TBC1D14: variants seen among roughly 807,000 people sequenced by gnomAD.
TBC1D14 encodes TBC1 domain family, member 14.
TBC1D14 carries 26 observed loss-of-function variants against 79.0 expected under a neutral mutation model. The observed-to-expected ratio is 0.33, with a 90% CI of 0.24 to 0.46. The LOEUF is 0.46. Ranked by LOEUF, TBC1D14 falls within the 20% of genes least tolerant of loss-of-function variation. The pLI is 1.00. For synonymous variants in TBC1D14, 394 were observed against 349.9 expected (o/e 1.13, Z -1.40); for missense variants, 769 against 887.6 (o/e 0.87, Z 1.70).
chr4:6,923,269 G>A (rs999784919), intron 1 of TBC1D14, 104 bp from the exon 2 acceptor site: 7 of 1,329,180 alleles, frequency 5.3e-6, no homozygotes, highest in Non-Finnish European at 7.1e-6. Context: ...CCTTTTCAAG[G>A]CTTTCTCCCT....
chr4:7,030,302 C>T (rs983704640), intron 13 of TBC1D14, 25 bp from the exon 14 acceptor site: 1 of 1,612,304 alleles, frequency 6.2e-7, no homozygotes, highest in Non-Finnish European at 8.5e-7. Context: ...CACTTAACCT[C>T]AGCTGTCTTC....
chr4:7,021,492 G>A (rs1721830192), intron 12 of TBC1D14, among the ~76,000 whole-genome samples: 1 of 152,130 alleles, frequency 6.6e-6, no homozygotes, highest in Non-Finnish European at 1.5e-5. Context: ...AGCTACTCAG[G>A]AGGCTGAGCT....
At chr4:6,965,198 C>T (rs540925482) in intron 2 of TBC1D14, among the ~76,000 whole-genome samples, 5 of 151,920 alleles carry the variant, frequency 3.3e-5, no homozygotes, top group African/African-American at 7.3e-5. Flanking sequence ...CTCTGTCGCC[C>T]CCAGGCTGGA....
chr4:6,909,823 C>A (rs1474478408), upstream of TBC1D14: 1 of 148,320 alleles, frequency 6.7e-6, no homozygotes, highest in Non-Finnish European at 1.5e-5. Flanking sequence ...GCTGCTCGCG[C>A]GCACCTGCGG....
chr4:6,923,848 T>G lies in TBC1D14; in HGVS notation c.459T>G (p.Asp153Glu). The change falls in exon 2 of 14, where the codon GAT becomes GAG. Residue 153 changes from aspartate (D) to glutamate (E), a missense_variant. Physicochemically the swap from Asp to Glu is conservative, Grantham distance 45 (BLOSUM62 2). This residue lies in a region of TBC1D14 where 402 missense variants were observed against 393.2 expected (regional missense o/e 1.02). Coordinates refer to ENST00000409757, the MANE Select transcript of TBC1D14 (RefSeq NM_020773.3). ...CCAAAGCCCTGACCCGCAGCGATGA[T>G]GTCTCCGTCTGCAGCGTGTCCAGTC... Reference protein sequence around the residue: ...PTSKALTRSDDVSVCSVSSLG... With the variant: ...PTSKALTRSDEVSVCSVSSLG... 1 of 1,614,192 alleles carries G rather than the reference T, an allele frequency of 6.2e-7. No homozygotes were observed. The highest frequency in any genetic ancestry group is 8.5e-7 in the Non-Finnish European group (1 of 1,180,052).
chr4:7,013,899 A>G (rs1281842686), intron 11 of TBC1D14, among the ~76,000 whole-genome samples: 1 of 151,908 alleles, frequency 6.6e-6, no homozygotes, highest in South Asian at 2.1e-4. Flanking sequence ...GCCCGCCACC[A>G]CGCCTGGCTA....
Position 7,014,431 on chromosome 4 carries a change from T to C in TBC1D14, c.1648-17T>C. 2 of 1,559,346 alleles carry C rather than the reference T, an allele frequency of 1.3e-6. No individual in the cohort carries two copies. The highest frequency in any genetic ancestry group is 1.7e-4 in the Middle Eastern group (1 of 5,956). On this transcript the variant is annotated splice_polypyrimidine_tract_variant and intron_variant, in intron 11 of 13. Transcript: ENST00000409757. ...TGTGCAGATAGTTTCTGAGTAAATTTCATATTATCTCCCTAGATGTTGACT... is the reference window on the plus strand; with the variant it reads ...TGTGCAGATAGTTTCTGAGTAAATTCCATATTATCTCCCTAGATGTTGACT...
intron 12 of TBC1D14, among the ~76,000 whole-genome samples, chr4:7,024,286 CCCAGCACTTTCTCTGTG>C (rs1722115782): frequency 1.3e-5 from 2 of 152,180 alleles, no homozygotes; most frequent in African/African-American, 4.8e-5. Context: ...GCTTTGTGGG[CCCAGCACTTTCTCTGTG>C]CCAGCACAGG....
At chr4:7,007,495 C>T in intron 9 of TBC1D14, 2 of 1,273,400 alleles carry the variant, frequency 1.6e-6, no homozygotes, top group Non-Finnish European at 2.1e-6. Context: ...TGCACCTGTC[C>T]CTTGTCTGTT....
Position 6,926,824 on chromosome 4 carries a change from C to T in TBC1D14, c.722+2713C>T, listed in dbSNP as rs550217778. 6.0e-4 allele frequency among the ~76,000 whole-genome samples: 92 copies of T among 152,320 alleles called. 2 individuals are homozygous for T. The highest frequency in any genetic ancestry group is 4.3e-4 in the Non-Finnish European group (29 of 68,024). ...CAGGTACCCAGAGGACTGTGGGCAT[C>T]GTGAGTCTTTGCTGAGGGCAGGGCT... On this transcript the variant is annotated intron_variant, in intron 2 of 13. Coordinates refer to ENST00000409757, the MANE Select transcript of TBC1D14 (RefSeq NM_020773.3).
intron 3 of TBC1D14, among the ~76,000 whole-genome samples, chr4:6,974,285 C>T (rs1716512651): frequency 6.6e-6 from 1 of 152,106 alleles, no homozygotes; most frequent in Non-Finnish European, 1.5e-5. Flanking sequence ...AAAGTGTGAA[C>T]CCCCCGATGC....
In TBC1D14 at chr4:7,030,508, C is replaced by A. The variant is rs1353132842; in HGVS notation, c.*116C>A. ...GAACAGACGCTCTTTAAGTTTGATT[C>A]CTAACACTGGAGTTGGCCTTAAACA... On this transcript the variant is annotated 3_prime_UTR_variant, in exon 14 of 14. Coordinates refer to ENST00000409757, the MANE Select transcript of TBC1D14 (RefSeq NM_020773.3). 2 of 1,043,868 alleles carry A rather than the reference C, an allele frequency of 1.9e-6. No individual in the cohort carries two copies. Among genetic ancestry groups the A allele is most frequent in the Non-Finnish European group, 2.9e-6 (2 of 695,294 alleles). The allele number at this position is 1,043,868 out of a possible 1,614,324, so 64.7% of individuals were successfully genotyped here. A position where few individuals can be genotyped will look rare whatever the true frequency, so the allele number is the denominator to read the frequency against.
chr4:6,923,909 A>G lies in TBC1D14; in HGVS notation c.520A>G (p.Asn174Asp). The change falls in exon 2 of 14, where the codon AAT becomes GAT. Residue 174 changes from asparagine (N) to aspartate (D), a missense_variant. Around this residue, in one of 2 missense-constraint regions of TBC1D14, gnomAD observed 402 missense variants for 393.2 expected, o/e 1.02. Transcript: ENST00000409757. ...GCTGTCCACCACGCTGTCCGTCAGCAATGAGGACATCTTGGACCTTGTGGT... is the reference window on the plus strand; with the variant it reads ...GCTGTCCACCACGCTGTCCGTCAGCGATGAGGACATCTTGGACCTTGTGGT... ...TELSTTLSVS[N>D]EDILDLVVTS... 2.5e-6 allele frequency: 4 copies of G among 1,614,156 alleles called. No homozygotes were observed. The highest frequency in any genetic ancestry group is 3.4e-6 in the Non-Finnish European group (4 of 1,180,038).
chr4:6,927,899 C>T (rs1442565537), intron 2 of TBC1D14, among the ~76,000 whole-genome samples: 2 of 152,134 alleles, frequency 1.3e-5, no homozygotes, highest in East Asian at 3.8e-4. Context: ...AGAGTGGGAC[C>T]ATGTTAAGGG....
intron 12 of TBC1D14, among the ~76,000 whole-genome samples, chr4:7,016,777 G>A (rs773953775): frequency 3.3e-5 from 5 of 152,094 alleles, no homozygotes; most frequent in African/African-American, 4.8e-5. Context: ...CGTTGCCTTC[G>A]TGATCCACTG....
chr4:6,917,496 T>C (rs1299447961), intron 1 of TBC1D14, among the ~76,000 whole-genome samples: 1 of 151,866 alleles, frequency 6.6e-6, no homozygotes, highest in Non-Finnish European at 1.5e-5. Flanking sequence ...CAATTGAGTG[T>C]CTCCTTGTGC....
At chr4:7,010,350 G>A (rs1184092084) in intron 10 of TBC1D14, among the ~76,000 whole-genome samples, 2 of 152,196 alleles carry the variant, frequency 1.3e-5, no homozygotes, top group Non-Finnish European at 2.9e-5. Flanking sequence ...CTACGGCACC[G>A]GGACACTGGA....
chr4:6,955,224 T>C (rs190066782), intron 2 of TBC1D14, among the ~76,000 whole-genome samples: 28 of 152,302 alleles, frequency 1.8e-4, no homozygotes, highest in African/African-American at 6.7e-4. Flanking sequence ...TGTGGCAATG[T>C]CAGTTTTTGG....
At chr4:6,975,331 C>A (rs1331856262) in intron 3 of TBC1D14, among the ~76,000 whole-genome samples, 1 of 152,148 alleles carries the variant, frequency 6.6e-6, no homozygotes, top group Non-Finnish European at 1.5e-5. Flanking sequence ...ATCTCAGCCT[C>A]GTGAGTAACC....
Sources: allele counts gnomAD v4.1 joint callset (sites outside exome capture counted in the v4.1 genomes callset), GRCh38; gene constraint gnomAD v4.1.1; regional missense constraint gnomAD v4.1.1; transcripts MANE v1.5; gene names NCBI Gene and HGNC (gene_info 2026-07-23, HGNC 2026-07-21).